Variants in WDFY4 observed in about 807,000 individuals in gnomAD.
WDFY4 encodes the protein WD repeat- and FYVE domain-containing protein 4.
Under a neutral mutation model 351.9 loss-of-function variants are expected in WDFY4, and 169 were observed. The ratio of observed to expected loss-of-function variants is 0.48; its 90% CI spans 0.42 to 0.55. The LOEUF (loss-of-function observed/expected upper bound fraction) is 0.55, where lower values mean the gene tolerates loss of function less well. WDFY4 is among the 20% of genes least tolerant of loss of function. WDFY4 has a pLI of 0.00. For synonymous variants in WDFY4, 1,622 were observed against 1,574.6 expected, an observed-to-expected ratio of 1.03 and a Z score of -0.71; for missense variants, 3,803 against 3,935.6, an observed-to-expected ratio of 0.97 and a Z score of 0.90.
chr10:48,906,026 G>T (rs1272919490), intron 47 of WDFY4, among the ~76,000 whole-genome samples: 1 of 152,204 alleles, frequency 6.6e-6, no homozygotes, highest in African/African-American at 2.4e-5. Context: ...AGCCTTAGGA[G>T]GGCTTGGCTG....
rs1009367595 is a variant in WDFY4 at position 48,830,834 on chromosome 10, G to A, written c.6475G>A (p.Val2159Ile). ...AGAGAGGGAAGTGAAGATTGAAGAG[G>A]TCACACCGCTCTGGGAGGAGACGAT... The part of the protein sequence containing the change: ...PGEREVKIEE[V>I]TPLWEETMLK... The change falls in exon 38 of 62, where the codon GTC becomes ATC. Residue 2159 changes from valine to isoleucine, a missense_variant. Physicochemically the swap from Val to Ile is conservative, Grantham distance 29. Around this residue, in one of 3 missense-constraint regions of WDFY4, gnomAD observed 3,054 missense variants for 3,148.6 expected, o/e 0.97. Coordinates refer to ENST00000325239, the MANE Select transcript of WDFY4 (RefSeq NM_001394531.1). The A allele has an allele frequency of 2.6e-6, 4 of 1,551,514 alleles. No individual in the cohort carries two copies. The highest frequency in any genetic ancestry group is 2.7e-5 in the African/African-American group (2 of 73,022).
chr10:48,744,666 G>A (rs1035661430), intron 12 of WDFY4, among the ~76,000 whole-genome samples: 4 of 152,110 alleles, frequency 2.6e-5, no homozygotes, highest in Admixed American at 2.6e-4. Flanking sequence ...GTTTATTTCC[G>A]TTCCCTAGCT....
rs912491959 is a variant in WDFY4, at chr10:48,882,566, G to A, written c.7167+5367G>A. On this transcript the variant is annotated intron_variant, in intron 43 of 61. Transcript: ENST00000325239. ...AAGAGGTTTAGTTGGCTCACAGTCC[G>A]CAGGGTGTACACAAAACGTGGTGCT... Among the ~76,000 whole-genome samples the A allele has an allele frequency of 2.6e-5, 4 of 152,050 alleles. No homozygotes were observed. In the East Asian group the frequency reaches 5.8e-4, roughly 22 times the overall value.
At chr10:48,695,434 C>A (rs536620981) in intron 1 of WDFY4, among the ~76,000 whole-genome samples, 1 of 152,288 alleles carries the variant, frequency 6.6e-6, no homozygotes, top group East Asian at 1.9e-4. Context: ...ACCTTGAGTG[C>A]TGGAAGAGGG....
intron 14 of WDFY4, 77 bp from the exon 15 acceptor site, chr10:48,775,635 C>A: frequency 7.3e-7 from 1 of 1,373,398 alleles, no homozygotes. Flanking sequence ...GCATCTAGGA[C>A]AGTTGTCAGG....
At chr10:48,774,730 C>A in intron 14 of WDFY4, 58 bp downstream of exon 14, 1 of 1,539,278 alleles carries the variant, frequency 6.5e-7, no homozygotes, top group Non-Finnish European at 8.8e-7. Flanking sequence ...CTTTGCAGGG[C>A]AGGGGTTGCA....
At chr10:48,897,313 G>A (rs1268854782) in intron 44 of WDFY4, 141 bp from the exon 45 acceptor site, 9 of 1,200,574 alleles carry the variant, frequency 7.5e-6, no homozygotes, top group Non-Finnish European at 9.3e-6. Flanking sequence ...TAGCACACTG[G>A]TTGGCAGTGA....
At chr10:48,919,282 C>A (rs1306079864) in intron 47 of WDFY4, among the ~76,000 whole-genome samples, 3 of 151,834 alleles carry the variant, frequency 2.0e-5, no homozygotes, top group African/African-American at 7.3e-5. Flanking sequence ...GTACAAACAA[C>A]TCTAAAAAAA....
chr10:48,700,672 C>T (rs958890915), intron 1 of WDFY4, among the ~76,000 whole-genome samples: 4 of 152,238 alleles, frequency 2.6e-5, no homozygotes, highest in African/African-American at 7.2e-5. Flanking sequence ...CTCATCTCCA[C>T]CTGGGGGTGG....
rs186136867 is a variant in WDFY4, at chr10:48,811,464, T to C, written c.5045-75T>C. On this transcript the variant is annotated intron_variant, in intron 29 of 61. Coordinates refer to ENST00000325239, the MANE Select transcript of WDFY4 (RefSeq NM_001394531.1). Reference sequence around the variant, plus strand: ...GGATGGGTGGGTGGCCGGGTGTTCCTTTGTGTGTCCAGGCCCCACCTTGAC... The same window carrying C: ...GGATGGGTGGGTGGCCGGGTGTTCCCTTGTGTGTCCAGGCCCCACCTTGAC... 367 of 1,376,766 alleles carry C rather than the reference T, an allele frequency of 2.7e-4. 1 individual carries two copies. The African/African-American group carries it at 4.7e-3, about 18-fold the overall frequency. 85.3% of individuals were successfully genotyped at this position (1,376,766 alleles called of 1,614,324 possible). A position where few individuals can be genotyped will look rare whatever the true frequency, so the allele number is the denominator to read the frequency against.
chr10:48,826,682 T>C lies in WDFY4; in HGVS notation c.5994T>C (p.Thr1998=). The part of the protein sequence containing the change: ...ILEHIMVVIE[T]ASSQRDTVLS... ...TTTTAATGACACAGGTCATTGAGAC[T>C]GCCTCTTCTCAAAGGGACACTGTCC... Residue 1998 remains threonine (T), a synonymous_variant, in exon 36 of 62, where the codon ACT becomes ACC. Transcript: ENST00000325239. The C allele has an allele frequency of 9.0e-6, 14 of 1,551,052 alleles. No individual in the cohort carries two copies. The highest frequency in any genetic ancestry group is 1.2e-5 in the Non-Finnish European group (14 of 1,146,362).
chr10:48,941,831 ATGCTG>A lies in WDFY4; in HGVS notation c.7613_7617del (p.Met2538ThrfsTer12). ...GAGATACCCCGGCTCTGACAGGATC[ATGCTG>A]CAGAAGTGGCAGGTACAGTAGCTCC... On this transcript the variant is annotated frameshift_variant, in exon 48 of 62. Coordinates refer to ENST00000325239, the MANE Select transcript of WDFY4 (RefSeq NM_001394531.1). LOFTEE classifies it high-confidence loss of function. 6.4e-7 allele frequency: 1 copy of A among 1,552,264 alleles called. No individual in the cohort carries two copies. The highest frequency in any genetic ancestry group is 8.7e-7 in the Non-Finnish European group (1 of 1,147,102).
chr10:48,916,827 ACC>A (rs35713572), intron 47 of WDFY4, among the ~76,000 whole-genome samples: 96,863 of 136,290 alleles, frequency 0.71, 33,734 homozygotes, highest in East Asian at 1. Flanking sequence ...CCTACTACAG[ACC>A]CCTAGGTGCT....
intron 40 of WDFY4, among the ~76,000 whole-genome samples, chr10:48,868,993 G>T (rs546119668): frequency 6.6e-6 from 1 of 152,208 alleles, no homozygotes; most frequent in Non-Finnish European, 1.5e-5. Context: ...ACTTGAGAAA[G>T]TTGTGCAATT....
chr10:48,741,452 C>CAAAAAA (rs55984300), intron 11 of WDFY4, among the ~76,000 whole-genome samples: 3 of 66,306 alleles, frequency 4.5e-5, no homozygotes, highest in Admixed American at 2.2e-4. Context: ...GACTCCGTCT[C>CAAAAAA]AAAAAAAAAA....
Position 48,727,525 on chromosome 10 carries a change from C to T in WDFY4, c.837C>T (p.Leu279=). The T allele has an allele frequency of 7.1e-6, 11 of 1,551,812 alleles. No homozygotes were observed. The highest frequency in any genetic ancestry group is 9.6e-6 in the Non-Finnish European group (11 of 1,147,024). The change falls in exon 7 of 62, where the codon CTC becomes CTT. Residue 279 remains leucine, a synonymous_variant. Coordinates refer to ENST00000325239, the MANE Select transcript of WDFY4 (RefSeq NM_001394531.1). The part of the protein sequence containing the change: ...LQNLSRLTDT[L]PAPEVSEAVS... ...ACCTCTCCAGGCTCACGGACACTCT[C>T]CCTGCCCCTGAAGTGAGCGAGGCTG...
At chr10:48,789,818 C>T in intron 21 of WDFY4, 56 bp from the exon 22 acceptor site, 22 of 1,523,704 alleles carry the variant, frequency 1.4e-5, no homozygotes, top group Non-Finnish European at 2.0e-5. Flanking sequence ...AGCTCGTGGA[C>T]AATGCTTCTT....
intron 43 of WDFY4, among the ~76,000 whole-genome samples, chr10:48,888,425 T>TC (rs1477488307): frequency 6.6e-6 from 1 of 151,956 alleles, no homozygotes; most frequent in Non-Finnish European, 1.5e-5. Flanking sequence ...TACACCCACT[T>TC]CCTTCCCTCT....
At chr10:48,885,518 G>T (rs2070417368) in intron 43 of WDFY4, among the ~76,000 whole-genome samples, 1 of 152,212 alleles carries the variant, frequency 6.6e-6, no homozygotes, top group Non-Finnish European at 1.5e-5. Flanking sequence ...TGTCTGCAGA[G>T]AAAGATTGGA....
Sources: allele counts gnomAD v4.1 joint callset (sites outside exome capture counted in the v4.1 genomes callset), GRCh38; gene constraint gnomAD v4.1.1; regional missense constraint gnomAD v4.1.1; transcripts MANE v1.5; gene names NCBI Gene and HGNC (gene_info 2026-07-23, HGNC 2026-07-21).